RALGAPA2: variants seen among roughly 807,000 people sequenced by gnomAD.
The protein encoded by RALGAPA2 is Ral GTPase activating protein catalytic subunit alpha 2, also known as ral GTPase-activating protein subunit alpha-2.
A neutral mutation model predicts 230.4 loss-of-function variants in RALGAPA2; 139 were observed. The ratio of observed to expected loss-of-function variants is 0.60; its 90% confidence interval spans 0.53 to 0.69. The LOEUF is 0.69. Ranked by LOEUF, RALGAPA2 falls within the 30% of genes least tolerant of loss-of-function variation. The pLI is 0.00. For synonymous variants in RALGAPA2, 847 were observed against 837.8 expected (o/e 1.01, Z -0.19); for missense variants, 2,163 against 2,276.0 (o/e 0.95, Z 1.01).
intron 35 of RALGAPA2, among the ~76,000 whole-genome samples, chr20:20,499,872 T>A (rs1249870608): frequency 1.3e-5 from 2 of 152,212 alleles, no homozygotes; most frequent in Non-Finnish European, 2.9e-5. Flanking sequence ...TCAGAGATAT[T>A]ATAGGCTTGG....
rs1556081743 is a variant in RALGAPA2, at chr20:20,468,665, CGT to C, written c.5495+4162_5495+4163del. Among the ~76,000 whole-genome samples, 1,509 of 152,094 alleles carry C rather than the reference CGT, an allele frequency of 9.9e-3. 19 individuals carry two copies. Among genetic ancestry groups the C allele is most frequent in the African/African-American group, 0.035 (1,438 of 41,458 alleles). The stretch of plus-strand genomic sequence containing the variant: ...CTGTGAAACCATTCTCTCCTATTCC[CGT>C]CTTTCTTTATCTCTGCCCCCTCCTT... On this transcript the variant is annotated intron_variant, in intron 37 of 39. Coordinates refer to ENST00000202677, the MANE Select transcript of RALGAPA2 (RefSeq NM_020343.4).
chr20:20,605,712 C>T (rs1005453221), intron 14 of RALGAPA2, among the ~76,000 whole-genome samples: 14 of 152,182 alleles, frequency 9.2e-5, no homozygotes, highest in African/African-American at 3.1e-4. Flanking sequence ...GACAACTCTG[C>T]TTCCTGAGAC....
At position 20,640,828 on chromosome 20, in the gene RALGAPA2, C is replaced by A; in HGVS notation, c.423G>T (p.Gln141His). The A allele has an allele frequency of 6.2e-7, 1 of 1,613,792 alleles. No homozygotes were observed. The change falls in exon 6 of 40, where the codon CAG becomes CAT. Residue 141 changes from glutamine to histidine, a missense_variant. Physicochemically the swap from Gln to His is conservative, Grantham distance 24 (BLOSUM62 0). Transcript: ENST00000202677. ...RLFLLWLQAL[Q>H]TNCAEEQVLI... ...GAACCTGCTCTTCTGCACAGTTTGT[C>A]TGAAGTGCTTGAAGCCACAGAAGAA...
intron 10 of RALGAPA2, among the ~76,000 whole-genome samples, chr20:20,624,054 C>A (rs1402070684): frequency 3.9e-5 from 6 of 152,090 alleles, no homozygotes; most frequent in Non-Finnish European, 7.4e-5. Flanking sequence ...ACGCTGGACG[C>A]GGTAGCTCAG....
intron 3 of RALGAPA2, among the ~76,000 whole-genome samples, chr20:20,672,321 G>C (rs2068163195): frequency 6.6e-6 from 1 of 152,186 alleles, no homozygotes; most frequent in Non-Finnish European, 1.5e-5. Flanking sequence ...CTGTGAATGA[G>C]AGGCAGCTGA....
rs180978668 is a variant in RALGAPA2, at chr20:20,562,218, A to G, written c.3156+9240T>C. Among the ~76,000 whole-genome samples the G allele has an allele frequency of 3.9e-5, 6 of 152,000 alleles. No individual in the cohort carries two copies. The East Asian group carries it at 1.2e-3, about 29-fold the overall frequency. On this transcript the variant is annotated intron_variant, in intron 23 of 39. Transcript: ENST00000202677. ...TTTCTTCCATTTTCTATCAATCAAT[A>G]TATCTACTGAGCATCTACCCTCTCT...
intron 26 of RALGAPA2, 47 bp downstream of exon 26, chr20:20,535,698 G>A: frequency 1.3e-6 from 2 of 1,529,450 alleles, no homozygotes; most frequent in Non-Finnish European, 1.8e-6. Flanking sequence ...ACACATAAAT[G>A]TGTATCTTAA....
At chr20:20,645,758 T>G (rs948955018) in intron 4 of RALGAPA2, among the ~76,000 whole-genome samples, 1 of 152,156 alleles carries the variant, frequency 6.6e-6, no homozygotes. Flanking sequence ...GTAACCTAAG[T>G]TAGTAACTTC....
rs192912156 is a variant in RALGAPA2 at position 20,391,722 on chromosome 20, T to C, written c.*1567A>G. ...GGGGTGAGAGCCTCAGAAGGCTTCTTCAGGCCTGGGTGGCCAAGCAGCCTG... is the reference window on the plus strand; with the variant it reads ...GGGGTGAGAGCCTCAGAAGGCTTCTCCAGGCCTGGGTGGCCAAGCAGCCTG... On this transcript the variant is annotated 3_prime_UTR_variant, in exon 40 of 40. Coordinates refer to ENST00000202677, the MANE Select transcript of RALGAPA2 (RefSeq NM_020343.4). 1.3e-5 allele frequency: 2 copies of C among 152,424 alleles called. No individual in the cohort carries two copies. Among genetic ancestry groups the C allele is most frequent in the African/African-American group, 4.8e-5 (2 of 41,558 alleles). The allele number at this position is 152,424 out of a possible 1,614,324, so 9.4% of individuals were successfully genotyped here. A position where few individuals can be genotyped will look rare whatever the true frequency, so the allele number is the denominator to read the frequency against.
chr20:20,650,661 C>T (rs1396543669), intron 4 of RALGAPA2, among the ~76,000 whole-genome samples: 2 of 152,142 alleles, frequency 1.3e-5, no homozygotes, highest in Admixed American at 6.5e-5. Flanking sequence ...CCCCTCCTTG[C>T]CCAAGACTCA....
intron 3 of RALGAPA2, among the ~76,000 whole-genome samples, chr20:20,666,175 C>A (rs182312965): frequency 6.6e-6 from 1 of 152,330 alleles, no homozygotes; most frequent in Admixed American, 6.5e-5. Flanking sequence ...ACTTTGCCAA[C>A]TGGAACTCAG....
Position 20,597,899 on chromosome 20 carries a change from T to TA in RALGAPA2, c.2203+3782dup, listed in dbSNP as rs541537709. ...ATCTACAACGCCAAATTTCTGAAAA[T>TA]AAAAAAGATCATGAAAATGATCTTT... On this transcript the variant is annotated intron_variant, in intron 16 of 39. Transcript: ENST00000202677. Among the ~76,000 whole-genome samples the TA allele has an allele frequency of 1.6e-4, 24 of 152,070 alleles. No homozygotes were observed. The South Asian group carries it at 4.8e-3, about 30-fold the overall frequency.
rs1207127822 is a variant in RALGAPA2 at position 20,571,893 on chromosome 20, T to C, written c.2955A>G (p.Pro985=). ...ACATTCTGAGTGGTGGGATCAAAAC[T>C]GGAGGAGATGGAGAAGACTGGTTAT... is the stretch of plus-strand genomic sequence containing the variant. ...SLDNQSSPSP[P]VLIPPLRMFA... The change falls in exon 22 of 40, where the codon CCA becomes CCG. Residue 985 remains proline (P), a synonymous_variant. Transcript: ENST00000202677. 46 of 1,611,894 alleles carry C rather than the reference T, an allele frequency of 2.9e-5. No homozygotes were observed. The highest frequency in any genetic ancestry group is 3.7e-5 in the Non-Finnish European group (44 of 1,178,936).
intron 37 of RALGAPA2, among the ~76,000 whole-genome samples, chr20:20,439,877 T>C (rs2060698971): frequency 6.6e-6 from 1 of 152,232 alleles, no homozygotes; most frequent in Non-Finnish European, 1.5e-5. Flanking sequence ...AAGCATTTCA[T>C]GGTTCCTGTG....
At chr20:20,586,657 C>T (rs894597263) in intron 18 of RALGAPA2, among the ~76,000 whole-genome samples, 5 of 151,992 alleles carry the variant, frequency 3.3e-5, no homozygotes, top group Non-Finnish European at 5.9e-5. Flanking sequence ...ACAAGATATG[C>T]TTGAAAAGTA....
intron 26 of RALGAPA2, 86 bp from the exon 27 acceptor site, chr20:20,531,881 T>C: frequency 9.4e-7 from 1 of 1,058,990 alleles, no homozygotes; most frequent in Middle Eastern, 2.1e-4. Flanking sequence ...ACACTTTAAA[T>C]CTATTTATAC....
At chr20:20,631,107 C>G (rs147220872) in intron 9 of RALGAPA2, among the ~76,000 whole-genome samples, 3 of 152,280 alleles carry the variant, frequency 2.0e-5, no homozygotes, top group East Asian at 1.9e-4. Flanking sequence ...AAGAGGCTGA[C>G]AGTTAACAAT....
At chr20:20,411,050 T>A (rs1311509956) in intron 38 of RALGAPA2, among the ~76,000 whole-genome samples, 1 of 152,200 alleles carries the variant, frequency 6.6e-6, no homozygotes, top group Non-Finnish European at 1.5e-5. Flanking sequence ...TGGATTTAAT[T>A]TTTTTTCACT....
At chr20:20,701,764 A>G (rs1452169528) in intron 1 of RALGAPA2, among the ~76,000 whole-genome samples, 1 of 148,876 alleles carries the variant, frequency 6.7e-6, no homozygotes, top group East Asian at 2.0e-4. Context: ...TGGTGCGGCC[A>G]GGCGCAGTGG....
Sources: gnomAD v4.1 joint callset for allele counts (sites outside exome capture counted in the v4.1 genomes callset) on GRCh38, gnomAD v4.1.1 for gene constraint, MANE v1.5 for transcripts, NCBI Gene and HGNC (gene_info 2026-07-23, HGNC 2026-07-21) for gene names.